The following ELMO1 variants were observed in gnomAD, a reference collection of about 807,000 sequenced individuals.
ELMO1 encodes the protein engulfment and cell motility protein 1.
In ELMO1, 26 loss-of-function variants were observed where a neutral mutation model predicts 98.9. The ratio of observed to expected loss-of-function variants is 0.26; its 90% confidence interval spans 0.19 to 0.36. The LOEUF is 0.36. Ranked by LOEUF, ELMO1 falls within the 10% of genes least tolerant of loss-of-function variation. The probability of loss-of-function intolerance (pLI) is 1.00; values close to 1 mark genes in which losing one functional copy is unlikely to be tolerated. For synonymous variants in ELMO1, 346 were observed against 346.0 expected (o/e 1.00, Z 0.00); for missense variants, 627 against 935.2 (o/e 0.67, Z 4.30).
At chr7:37,059,363 T>C (rs111413541) in intron 15 of ELMO1, among the ~76,000 whole-genome samples, 1 of 152,190 alleles carries the variant, frequency 6.6e-6, no homozygotes, top group Non-Finnish European at 1.5e-5. Flanking sequence ...CAGCTTTTTA[T>C]GGGAACATCA....
chr7:36,942,966 G>A (rs1025130204), intron 16 of ELMO1, among the ~76,000 whole-genome samples: 1 of 152,218 alleles, frequency 6.6e-6, no homozygotes, highest in Non-Finnish European at 1.5e-5. Context: ...GAATTCTCAT[G>A]CAGCAAAAAT....
chr7:37,255,608 C>A (rs1188191993), intron 6 of ELMO1, among the ~76,000 whole-genome samples: 1 of 152,210 alleles, frequency 6.6e-6, no homozygotes, highest in African/African-American at 2.4e-5. Flanking sequence ...TGCGCCCCTG[C>A]TTTGCTGTCT....
intron 13 of ELMO1, among the ~76,000 whole-genome samples, chr7:37,148,608 T>C (rs1249402664): frequency 6.6e-6 from 1 of 152,224 alleles, no homozygotes; most frequent in Non-Finnish European, 1.5e-5. Flanking sequence ...TGGGAATAAA[T>C]TTCCTTTAAA....
chr7:37,163,109 G>C (rs1017261678), intron 13 of ELMO1, among the ~76,000 whole-genome samples: 1 of 152,140 alleles, frequency 6.6e-6, no homozygotes, highest in African/African-American at 2.4e-5. Flanking sequence ...GGAGAATACA[G>C]CTATGATTTG....
chr7:37,086,530 G>A (rs975475057), intron 15 of ELMO1, among the ~76,000 whole-genome samples: 4 of 151,828 alleles, frequency 2.6e-5, no homozygotes, highest in African/African-American at 7.3e-5. Context: ...GTCACTTGAG[G>A]TCAGGAGTTC....
chr7:37,152,911 T>A (rs1788461215), intron 13 of ELMO1, among the ~76,000 whole-genome samples: 1 of 152,064 alleles, frequency 6.6e-6, no homozygotes, highest in Non-Finnish European at 1.5e-5. Flanking sequence ...TGGAGCAAAA[T>A]CCAAACAAAT....
At chr7:36,933,854 C>G (rs1458439237) in intron 16 of ELMO1, among the ~76,000 whole-genome samples, 1 of 152,206 alleles carries the variant, frequency 6.6e-6, no homozygotes, top group East Asian at 1.9e-4. Context: ...CAGGGCTCAC[C>G]TCGGAGTATC....
At chr7:36,878,197 T>TG in intron 18 of ELMO1, 80 bp from the exon 19 acceptor site, 1 of 1,055,260 alleles carries the variant, frequency 9.5e-7, no homozygotes, top group Non-Finnish European at 1.4e-6. Flanking sequence ...TTAATACTCT[T>TG]GCCTGGAGGA....
At chr7:37,320,175 C>T (rs569968006) in intron 2 of ELMO1, among the ~76,000 whole-genome samples, 2 of 152,030 alleles carry the variant, frequency 1.3e-5, no homozygotes, top group African/African-American at 4.8e-5. Flanking sequence ...TACTCGGGAG[C>T]CTGAGGCAGG....
At chr7:37,323,396 G>A (rs544324907) in intron 2 of ELMO1, among the ~76,000 whole-genome samples, 19 of 152,268 alleles carry the variant, frequency 1.2e-4, no homozygotes, top group Middle Eastern at 3.4e-3. Context: ...TTTTTGTAAC[G>A]TAAGTTAGAT....
chr7:36,878,948 G>A (rs568826122), intron 18 of ELMO1, among the ~76,000 whole-genome samples: 60 of 152,282 alleles, frequency 3.9e-4, no homozygotes, highest in African/African-American at 1.3e-3. Flanking sequence ...TCTCCTCCAG[G>A]AAGCCCTCTT....
At chr7:37,360,321 A>G (rs933795440) in intron 1 of ELMO1, among the ~76,000 whole-genome samples, 6 of 152,052 alleles carry the variant, frequency 3.9e-5, no homozygotes, top group African/African-American at 1.4e-4. Context: ...TGAGCTTATT[A>G]TGGCAAAGAA....
chr7:37,114,207 G>C (rs979337021), intron 14 of ELMO1, among the ~76,000 whole-genome samples: 2 of 152,182 alleles, frequency 1.3e-5, no homozygotes, highest in African/African-American at 4.8e-5. Context: ...CTAACGTTCT[G>C]GCTACTGTGT....
At chr7:36,991,807 T>C (rs1349821926) in intron 16 of ELMO1, among the ~76,000 whole-genome samples, 4 of 152,158 alleles carry the variant, frequency 2.6e-5, no homozygotes, top group Non-Finnish European at 5.9e-5. Flanking sequence ...GCAGATGCAG[T>C]GCTTACCATG....
intron 16 of ELMO1, among the ~76,000 whole-genome samples, chr7:36,915,000 C>T (rs1334342634): frequency 2.0e-5 from 3 of 152,192 alleles, no homozygotes; most frequent in Non-Finnish European, 2.9e-5. Context: ...GTTGCCCAGA[C>T]TGGAGTGCAG....
chr7:37,237,871 T>C (rs1422954539), intron 7 of ELMO1, among the ~76,000 whole-genome samples: 2 of 152,258 alleles, frequency 1.3e-5, no homozygotes, highest in African/African-American at 4.8e-5. Context: ...TGCAGGTTGA[T>C]TCTGGACTCT....
At chr7:36,954,318 A>C (rs1788263092) in intron 16 of ELMO1, among the ~76,000 whole-genome samples, 1 of 152,200 alleles carries the variant, frequency 6.6e-6, no homozygotes, top group Non-Finnish European at 1.5e-5. Flanking sequence ...GGTTCTGGCC[A>C]AATGTTTAGG....
intron 16 of ELMO1, 132 bp downstream of exon 16, chr7:37,013,167 G>T: frequency 8.5e-7 from 1 of 1,177,858 alleles, no homozygotes; most frequent in Non-Finnish European, 1.2e-6. Flanking sequence ...CTCCATTCTT[G>T]AAGCAACTAT....
intron 1 of ELMO1, among the ~76,000 whole-genome samples, chr7:37,411,622 G>A (rs547143228): frequency 1.6e-3 from 250 of 152,290 alleles, no homozygotes; most frequent in Non-Finnish European, 2.7e-3. Context: ...TGGCATTTTT[G>A]TGTGTGTGCG....
Sources: allele counts gnomAD v4.1 joint callset (sites outside exome capture counted in the v4.1 genomes callset), GRCh38; gene constraint gnomAD v4.1.1; transcripts MANE v1.5; gene names NCBI Gene and HGNC (gene_info 2026-07-23, HGNC 2026-07-21).